Variants in FANK1 observed in about 807,000 individuals in gnomAD.
FANK1 encodes fibronectin type 3 and ankyrin repeat domains protein 1.
A neutral mutation model predicts 45.3 loss-of-function variants in FANK1; 44 were observed. The ratio of observed to expected loss-of-function variants is 0.97; its 90% confidence interval spans 0.76 to 1.25. FANK1 has a LOEUF of 1.25. FANK1 is among the 50% of genes most tolerant of loss of function. FANK1 has a pLI of 0.00. For synonymous variants in FANK1, 149 were observed against 152.5 expected (o/e 0.98, Z 0.17); for missense variants, 391 against 424.4 (o/e 0.92, Z 0.69).
chr10:125,931,780 G>C (rs1208980191), intron 1 of FANK1, among the ~76,000 whole-genome samples: 1 of 152,062 alleles, frequency 6.6e-6, no homozygotes, highest in African/African-American at 2.4e-5. Context: ...TGAAATCCTT[G>C]CTAAGCCAAT....
intron 1 of FANK1, chr10:125,973,510 C>A: frequency 1.0e-6 from 1 of 964,916 alleles, no homozygotes; most frequent in Non-Finnish European, 1.2e-6. Flanking sequence ...GTGTCTGGTT[C>A]AGTAGTTCCT....
chr10:125,919,271 T>A (rs1207548199), intron 1 of FANK1, among the ~76,000 whole-genome samples: 1 of 138,716 alleles, frequency 7.2e-6, no homozygotes, highest in Non-Finnish European at 1.5e-5. Flanking sequence ...AGTGGCATGA[T>A]CTTGGCTCAC....
chr10:125,961,502 G>A (rs1253015659), intron 1 of FANK1, among the ~76,000 whole-genome samples: 2 of 152,108 alleles, frequency 1.3e-5, no homozygotes, highest in African/African-American at 4.8e-5. Flanking sequence ...GATATCCATA[G>A]GCAGAAGAAT....
chr10:125,979,758 T>G (rs2134200743), intron 1 of FANK1: 1 of 454,156 alleles, frequency 2.2e-6, no homozygotes, highest in South Asian at 1.6e-5. Flanking sequence ...GTGTCAACCC[T>G]TTGTCATCTA....
intron 7 of FANK1, among the ~76,000 whole-genome samples, chr10:126,008,040 T>G (rs1315646711): frequency 6.6e-6 from 1 of 152,206 alleles, no homozygotes; most frequent in African/African-American, 2.4e-5. Flanking sequence ...TATTACTGTC[T>G]TGTTCCAGAA....
At chr10:125,913,489 A>G (rs536402520) in intron 1 of FANK1, among the ~76,000 whole-genome samples, 4 of 152,238 alleles carry the variant, frequency 2.6e-5, no homozygotes, top group Non-Finnish European at 4.4e-5. Flanking sequence ...ACTTGATTAC[A>G]GATAACTTCA....
rs566551325 is a variant in FANK1, at chr10:126,002,065, C to CTGAGGCTGGG, written c.540-2819_540-2818insTGAGGCTGGG. ...TGGTGGCTCACGCCTGTAATCCCAG[C>CTGAGGCTGGG]ACTTTGGGAGGCTGAGGCAGGCGGA... On this transcript the variant is annotated intron_variant, in intron 6 of 10. Transcript: ENST00000368693. Among the ~76,000 whole-genome samples, 1,016 of 152,136 alleles carry CTGAGGCTGGG rather than the reference C, an allele frequency of 6.7e-3. 16 individuals are homozygous for CTGAGGCTGGG. The highest frequency in any genetic ancestry group is 0.024 in the African/African-American group (980 of 41,520).
intron 1 of FANK1, among the ~76,000 whole-genome samples, chr10:125,940,391 C>T (rs1196389197): frequency 1.3e-5 from 2 of 152,098 alleles, no homozygotes. Flanking sequence ...AGATACTATG[C>T]CTGGATGTGC....
chr10:125,927,637 C>T (rs1947453706), intron 1 of FANK1, among the ~76,000 whole-genome samples: 1 of 152,034 alleles, frequency 6.6e-6, no homozygotes, highest in African/African-American at 2.4e-5. Flanking sequence ...GCAACCTCCA[C>T]CTCCTGGGTT....
intron 1 of FANK1, among the ~76,000 whole-genome samples, chr10:125,906,608 G>A (rs542771716): frequency 3.8e-4 from 58 of 150,774 alleles, no homozygotes; most frequent in Non-Finnish European, 7.5e-4. Flanking sequence ...ACTTCCCCAG[G>A]CCAGTGCATT....
chr10:126,008,479 G>A lies in FANK1; in HGVS notation c.778G>A (p.Val260Met), dbSNP rs1208021633. The change falls in exon 8 of 11, where the codon GTG (valine) becomes ATG (methionine). Residue 260 changes from valine to methionine, a missense_variant. Transcript: ENST00000368693. ...CTCTGCGGTGTCGGGAAATCAGAGG[G>A]TGGCCTCTCTTCTAATTGATGCTGG... is the stretch of plus-strand genomic sequence containing the variant. ...RVSAVSGNQR[V>M]ASLLIDAGAN... The A allele has an allele frequency of 6.2e-7, 1 of 1,613,626 alleles. No homozygotes were observed. Among genetic ancestry groups the A allele is most frequent in the Non-Finnish European group, 8.5e-7 (1 of 1,179,772 alleles).
intron 1 of FANK1, among the ~76,000 whole-genome samples, chr10:125,932,654 T>C (rs907835121): frequency 7.2e-5 from 11 of 152,210 alleles, no homozygotes; most frequent in African/African-American, 2.4e-4. Flanking sequence ...AGTCATATCA[T>C]CAGCAAACGA....
intron 1 of FANK1, chr10:125,974,802 CTGAAAACTGT>C (rs1950753647): frequency 2.0e-5 from 3 of 152,230 alleles, no homozygotes; most frequent in Middle Eastern, 3.4e-3. Context: ...TTGTAAACTG[CTGAAAACTGT>C]AGTAATGTCC....
chr10:125,909,066 A>G (rs1193793006), intron 1 of FANK1, among the ~76,000 whole-genome samples: 1 of 152,268 alleles, frequency 6.6e-6, no homozygotes, highest in Non-Finnish European at 1.5e-5. Flanking sequence ...TAGCAAGTCA[A>G]TGCTGTCTGT....
intron 1 of FANK1, among the ~76,000 whole-genome samples, chr10:125,915,520 A>G (rs1946378697): frequency 6.6e-6 from 1 of 152,272 alleles, no homozygotes; most frequent in Non-Finnish European, 1.5e-5. Context: ...AGGCTAGACT[A>G]GAAAACCTTA....
intron 1 of FANK1, among the ~76,000 whole-genome samples, chr10:125,950,398 A>G (rs1225942038): frequency 6.7e-6 from 1 of 148,270 alleles, no homozygotes; most frequent in Non-Finnish European, 1.5e-5. Context: ...AGAATCTACA[A>G]TGAACTCAAA....
intron 1 of FANK1, among the ~76,000 whole-genome samples, chr10:125,950,623 G>A (rs1457852280): frequency 6.6e-6 from 1 of 152,084 alleles, no homozygotes; most frequent in African/African-American, 2.4e-5. Flanking sequence ...GGAGAAATAG[G>A]AACACTTTTA....
chr10:126,004,572 G>T, intron 6 of FANK1: 1 of 274,226 alleles, frequency 3.6e-6, no homozygotes, highest in Non-Finnish European at 7.1e-6. Context: ...GTTCTGTCTT[G>T]CAGATGTGCC....
At chr10:125,972,436 A>G (rs1419885056) in intron 1 of FANK1, 1 of 152,150 alleles carries the variant, frequency 6.6e-6, no homozygotes, top group African/African-American at 2.4e-5. Flanking sequence ...TATCAAAGAG[A>G]AAGTAGAAAG....
Sources: allele counts gnomAD v4.1 joint callset (sites outside exome capture counted in the v4.1 genomes callset), GRCh38; gene constraint gnomAD v4.1.1; transcripts MANE v1.5; gene names NCBI Gene and HGNC (gene_info 2026-07-23, HGNC 2026-07-21).